Variants in KCTD8 observed in about 807,000 individuals in gnomAD.
KCTD8 encodes potassium channel tetramerization domain containing 8.
A neutral mutation model predicts 31.5 loss-of-function variants in KCTD8; 27 were observed. That is an observed-to-expected ratio of 0.86 (90% CI 0.63 to 1.18). KCTD8 has a LOEUF of 1.18. Among genes scored for constraint, KCTD8 ranks in the 50% most tolerant of loss-of-function variants. The pLI is 0.00. For synonymous variants in KCTD8, 290 were observed against 280.0 expected (o/e 1.04, Z -0.36); for missense variants, 658 against 647.7 (o/e 1.02, Z -0.17).
At chr4:44,418,237 T>C (rs867406765) in intron 1 of KCTD8, among the ~76,000 whole-genome samples, 9 of 151,908 alleles carry the variant, frequency 5.9e-5, no homozygotes, top group Non-Finnish European at 1.2e-4. Flanking sequence ...GAGGGTAACA[T>C]GAGTAAAGAC....
chr4:44,203,275 G>T (rs1714202725), intron 1 of KCTD8, among the ~76,000 whole-genome samples: 1 of 152,032 alleles, frequency 6.6e-6, no homozygotes, highest in African/African-American at 2.4e-5. Flanking sequence ...GGCCAAGGTG[G>T]GTTGATCACC....
At chr4:44,263,853 C>A (rs1716253912) in intron 1 of KCTD8, among the ~76,000 whole-genome samples, 1 of 152,036 alleles carries the variant, frequency 6.6e-6, no homozygotes, top group African/African-American at 2.4e-5. Context: ...TTAGAAGGAC[C>A]CTAAGGAATT....
chr4:44,288,246 G>T (rs186872955), intron 1 of KCTD8, among the ~76,000 whole-genome samples: 1 of 152,028 alleles, frequency 6.6e-6, no homozygotes, highest in Admixed American at 6.6e-5. Context: ...TAATGTGAAG[G>T]TATAAATCAA....
intron 1 of KCTD8, among the ~76,000 whole-genome samples, chr4:44,219,706 C>T (rs1295447234): frequency 6.6e-6 from 1 of 151,974 alleles, no homozygotes; most frequent in Admixed American, 6.6e-5. Flanking sequence ...TTTAAACTGC[C>T]CAATTGTGGT....
At chr4:44,181,981 C>T (rs900178643) in intron 1 of KCTD8, among the ~76,000 whole-genome samples, 22 of 147,208 alleles carry the variant, frequency 1.5e-4, no homozygotes, top group Admixed American at 9.4e-4. Context: ...GCCCGGCAGC[C>T]GCCCCATCTG....
At position 44,448,557 on chromosome 4, in the gene KCTD8, A is replaced by C; in HGVS notation, c.-34T>G. The C allele has an allele frequency of 7.0e-7, 1 of 1,422,052 alleles. No individual in the cohort carries two copies. Among genetic ancestry groups the C allele is most frequent in the South Asian group, 1.7e-5 (1 of 59,422 alleles). 88.1% of individuals were successfully genotyped at this position (1,422,052 alleles called of 1,614,324 possible). On this transcript the variant is annotated 5_prime_UTR_variant, in exon 1 of 2. Coordinates refer to ENST00000360029, the MANE Select transcript of KCTD8 (RefSeq NM_198353.3). The surrounding 1 kb of genome is among the most constrained non-coding windows in gnomAD (Gnocchi z 4.1). ...CGCCGCCGGCCCAGTGACCCGAGAG[A>C]GCTGCACTTTCTCGTTCCCGGAGCC... is the stretch of plus-strand genomic sequence containing the variant.
At chr4:44,277,513 C>T (rs1036721021) in intron 1 of KCTD8, among the ~76,000 whole-genome samples, 19 of 151,714 alleles carry the variant, frequency 1.3e-4, no homozygotes, top group African/African-American at 4.6e-4. Context: ...CTGCAAAAAA[C>T]AGCTACACGG....
intron 1 of KCTD8, among the ~76,000 whole-genome samples, chr4:44,280,094 T>A (rs1036966470): frequency 1.3e-5 from 2 of 152,058 alleles, no homozygotes; most frequent in African/African-American, 4.8e-5. Context: ...TTTATATAAT[T>A]CCTAATCTAG....
chr4:44,244,852 G>A (rs68092707), intron 1 of KCTD8, among the ~76,000 whole-genome samples: 38,914 of 149,218 alleles, frequency 0.26, 5,676 homozygotes, highest in South Asian at 0.33. Context: ...AGTTGTGGGG[G>A]GGGGGGGGTC....
intron 1 of KCTD8, among the ~76,000 whole-genome samples, chr4:44,225,468 T>C (rs1236464851): frequency 1.3e-5 from 2 of 152,240 alleles, no homozygotes; most frequent in Non-Finnish European, 2.9e-5. Context: ...TGAGAAGTTG[T>C]GGTACAGACT....
chr4:44,274,121 TA>T (rs1043678967), intron 1 of KCTD8, among the ~76,000 whole-genome samples: 1 of 151,862 alleles, frequency 6.6e-6, no homozygotes, highest in African/African-American at 2.4e-5. Flanking sequence ...TTAGATAAAG[TA>T]AAAAAGATTT....
chr4:44,185,301 C>G (rs968036024), intron 1 of KCTD8, among the ~76,000 whole-genome samples: 5 of 152,222 alleles, frequency 3.3e-5, no homozygotes, highest in African/African-American at 1.2e-4. Context: ...ATTTCCACCA[C>G]CTATGACAGG....
At chr4:44,362,381 T>C (rs1441579750) in intron 1 of KCTD8, among the ~76,000 whole-genome samples, 1 of 152,170 alleles carries the variant, frequency 6.6e-6, no homozygotes, top group East Asian at 1.9e-4. Context: ...CTTGGGTATT[T>C]TAGTGTCTTT....
At position 44,177,672 on chromosome 4, in the gene KCTD8, C is replaced by T. The variant is rs142397140; in HGVS notation, c.962-2422G>A. Among the ~76,000 whole-genome samples the T allele has an allele frequency of 5.2e-3, 794 of 152,298 alleles. 3 individuals are homozygous for T. Among genetic ancestry groups the T allele is most frequent in the African/African-American group, 0.019 (780 of 41,552 alleles). On this transcript the variant is annotated intron_variant, in intron 1 of 1. Coordinates refer to ENST00000360029, the MANE Select transcript of KCTD8 (RefSeq NM_198353.3). ...CCATCCATGTAAGACATAACTTGCT[C>T]CTCCTTGCCTTCTGTCATAATTGTG...
intron 1 of KCTD8, among the ~76,000 whole-genome samples, chr4:44,400,023 T>C (rs548198885): frequency 6.6e-6 from 1 of 152,302 alleles, no homozygotes; most frequent in East Asian, 1.9e-4. Context: ...AGAAACTAGA[T>C]TGTCTACTAT....
chr4:44,428,334 C>T (rs1246676182), intron 1 of KCTD8, among the ~76,000 whole-genome samples: 5 of 151,600 alleles, frequency 3.3e-5, no homozygotes, highest in Non-Finnish European at 5.9e-5. Flanking sequence ...GTGATGACCT[C>T]TATAGAAAAC....
chr4:44,329,684 A>C (rs1718542938), intron 1 of KCTD8, among the ~76,000 whole-genome samples: 1 of 151,960 alleles, frequency 6.6e-6, no homozygotes, highest in Non-Finnish European at 1.5e-5. Flanking sequence ...CTTTTGTAGT[A>C]TATCATATAT....
chr4:44,314,546 T>C (rs1718052605), intron 1 of KCTD8, among the ~76,000 whole-genome samples: 1 of 152,136 alleles, frequency 6.6e-6, no homozygotes, highest in East Asian at 1.9e-4. Flanking sequence ...GCATTAAGAA[T>C]GAATAATGTT....
intron 1 of KCTD8, among the ~76,000 whole-genome samples, chr4:44,436,112 T>A (rs1721637712): frequency 6.6e-6 from 1 of 152,096 alleles, no homozygotes; most frequent in Non-Finnish European, 1.5e-5. Flanking sequence ...CTGACACCAC[T>A]CACATCAACT....
Sources: gnomAD v4.1 joint callset for allele counts (sites outside exome capture counted in the v4.1 genomes callset) on GRCh38, gnomAD v4.1.1 for gene constraint, Gnocchi (gnomAD v3.1) non-coding constraint, MANE v1.5 for transcripts, NCBI Gene and HGNC (gene_info 2026-07-23, HGNC 2026-07-21) for gene names.